The following CAMK1D variants were observed in gnomAD, a reference collection of about 807,000 sequenced individuals.
CAMK1D encodes the protein calcium/calmodulin dependent protein kinase ID.
Under a neutral mutation model 47.7 loss-of-function variants are expected in CAMK1D, and 9 were observed. That is an observed-to-expected ratio of 0.19 (90% CI 0.11 to 0.33). The LOEUF (loss-of-function observed/expected upper bound fraction) is 0.33. Among genes scored for constraint, CAMK1D ranks in the 10% least tolerant of loss-of-function variants. The pLI is 1.00. For synonymous variants in CAMK1D, 184 were observed against 184.9 expected, an observed-to-expected ratio of 0.99 and a Z score of 0.04; for missense variants, 291 against 488.7, an observed-to-expected ratio of 0.60 and a Z score of 3.81.
chr10:12,751,061 GATAAGATAAGATAAGATAAGATA>G (rs1835929340), intron 3 of CAMK1D, among the ~76,000 whole-genome samples: 1 of 1,384 alleles, frequency 7.2e-4, no homozygotes, highest in Non-Finnish European at 1.4e-3. Context: ...AATAAGATAA[GATAAGATAAGATAAGATAAGATA>G]AGATAAGATA....
chr10:12,680,349 G>T (rs539941623), intron 3 of CAMK1D, among the ~76,000 whole-genome samples: 2 of 152,260 alleles, frequency 1.3e-5, no homozygotes, highest in South Asian at 4.1e-4. Context: ...TGGTCTCTCT[G>T]GGTCTACCCA....
At chr10:12,422,660 G>A (rs1430483177) in intron 1 of CAMK1D, among the ~76,000 whole-genome samples, 1 of 151,864 alleles carries the variant, frequency 6.6e-6, no homozygotes, top group African/African-American at 2.4e-5. Flanking sequence ...GAAATATGTG[G>A]GTTAATATAA....
intron 1 of CAMK1D, among the ~76,000 whole-genome samples, chr10:12,503,608 C>T (rs1164897426): frequency 6.6e-6 from 1 of 152,152 alleles, no homozygotes; most frequent in Non-Finnish European, 1.5e-5. Context: ...TTGGGCCAGA[C>T]CTAGCCAGCT....
chr10:12,411,303 T>C (rs1363754493), intron 1 of CAMK1D, among the ~76,000 whole-genome samples: 1 of 152,190 alleles, frequency 6.6e-6, no homozygotes, highest in Non-Finnish European at 1.5e-5. Context: ...ACTGAAACAT[T>C]AGAGCTTTAG....
intron 1 of CAMK1D, among the ~76,000 whole-genome samples, chr10:12,373,144 G>C (rs1170012275): frequency 6.6e-6 from 1 of 152,006 alleles, no homozygotes; most frequent in Non-Finnish European, 1.5e-5. Flanking sequence ...CCTGGAAATT[G>C]GTACTGTGTC....
intron 1 of CAMK1D, among the ~76,000 whole-genome samples, chr10:12,415,455 ATTTTTT>A (rs5783266): frequency 1.2e-4 from 11 of 93,148 alleles, no homozygotes; most frequent in Non-Finnish European, 2.1e-4. Context: ...CGCCTGGCTA[ATTTTTT>A]TTTTTTTTTT....
chr10:12,638,741 G>A (rs544182018), intron 2 of CAMK1D, among the ~76,000 whole-genome samples: 10 of 152,296 alleles, frequency 6.6e-5, no homozygotes, highest in Admixed American at 3.3e-4. Context: ...TGCATCCCAC[G>A]TAGGCTGTGC....
chr10:12,501,661 C>T (rs910921895), intron 1 of CAMK1D, among the ~76,000 whole-genome samples: 36 of 151,908 alleles, frequency 2.4e-4, no homozygotes, highest in South Asian at 4.2e-4. Flanking sequence ...TTTTTTTTCC[C>T]GCCAGGGGAC....
intron 2 of CAMK1D, among the ~76,000 whole-genome samples, chr10:12,665,177 T>C (rs1358874351): frequency 6.6e-6 from 1 of 152,190 alleles, no homozygotes; most frequent in Non-Finnish European, 1.5e-5. Context: ...TGGAATCAGG[T>C]GGAAGGTGAA....
intron 3 of CAMK1D, among the ~76,000 whole-genome samples, chr10:12,744,592 C>T (rs969576211): frequency 2.0e-5 from 3 of 152,014 alleles, no homozygotes; most frequent in South Asian, 2.1e-4. Flanking sequence ...CAAAGAAAGG[C>T]GAACCTTAAA....
intron 1 of CAMK1D, among the ~76,000 whole-genome samples, chr10:12,464,176 C>T (rs1214379470): frequency 6.6e-6 from 1 of 152,188 alleles, no homozygotes; most frequent in East Asian, 1.9e-4. Flanking sequence ...AAGCTCCTGG[C>T]TGTTGGTCCC....
chr10:12,364,240 T>A (rs1027786689), intron 1 of CAMK1D, among the ~76,000 whole-genome samples: 1 of 135,228 alleles, frequency 7.4e-6, no homozygotes. Context: ...GCATTCTCTT[T>A]TTTTTTTTTT....
intron 1 of CAMK1D, among the ~76,000 whole-genome samples, chr10:12,478,909 C>T (rs1459912006): frequency 2.0e-5 from 3 of 152,220 alleles, no homozygotes; most frequent in Non-Finnish European, 4.4e-5. Context: ...ATCGCCACAG[C>T]GTCCTGAGCG....
chr10:12,523,376 T>A (rs1407081452), intron 1 of CAMK1D, among the ~76,000 whole-genome samples: 1 of 152,112 alleles, frequency 6.6e-6, no homozygotes, highest in African/African-American at 2.4e-5. Flanking sequence ...CTCGGCACTT[T>A]GGGAGGCCAA....
intron 1 of CAMK1D, 93 bp from the exon 2 acceptor site, chr10:12,553,132 T>C (rs1836641792): frequency 6.3e-7 from 1 of 1,593,806 alleles, no homozygotes; most frequent in East Asian, 2.2e-5. Context: ...GCCGTCGTTA[T>C]TGTTTACTCA....
chr10:12,705,482 A>T lies in CAMK1D; in HGVS notation c.299+38672A>T, dbSNP rs182707091. On this transcript the variant is annotated intron_variant, in intron 3 of 10. Coordinates refer to ENST00000619168, the MANE Select transcript of CAMK1D (RefSeq NM_153498.4). ...GCTCAAAAAAAAGAAAAGAAAAGAAAAGAATAGAATAATAGTGTACCATGC... is the reference window on the plus strand; with the variant it reads ...GCTCAAAAAAAAGAAAAGAAAAGAATAGAATAGAATAATAGTGTACCATGC... Among the ~76,000 whole-genome samples the T allele has an allele frequency of 1.6e-3, 250 of 152,136 alleles. 1 individual carries two copies. The highest frequency in any genetic ancestry group is 5.7e-3 in the African/African-American group (236 of 41,502).
At chr10:12,430,324 C>A (rs1840400032) in intron 1 of CAMK1D, among the ~76,000 whole-genome samples, 1 of 152,198 alleles carries the variant, frequency 6.6e-6, no homozygotes, top group Non-Finnish European at 1.5e-5. Context: ...AGCACAGCCC[C>A]ACAAGGCACT....
chr10:12,802,510 G>C (rs1253183593), intron 6 of CAMK1D, among the ~76,000 whole-genome samples: 1 of 152,068 alleles, frequency 6.6e-6, no homozygotes, highest in Non-Finnish European at 1.5e-5. Flanking sequence ...CAAGACTTCT[G>C]GGCTGTTCTT....
At chr10:12,717,815 G>A (rs1834209679) in intron 3 of CAMK1D, among the ~76,000 whole-genome samples, 1 of 147,670 alleles carries the variant, frequency 6.8e-6, no homozygotes, top group Admixed American at 6.8e-5. Context: ...GATTGCTTGA[G>A]CCCAGGAGTT....
Sources: allele counts gnomAD v4.1 joint callset (sites outside exome capture counted in the v4.1 genomes callset), GRCh38; gene constraint gnomAD v4.1.1; transcripts MANE v1.5; gene names NCBI Gene and HGNC (gene_info 2026-07-23, HGNC 2026-07-21).